The following PCDH15 variants were observed in gnomAD, a reference collection of about 807,000 sequenced individuals.
PCDH15 encodes protocadherin related 15.
PCDH15 carries 129 observed loss-of-function variants against 178.5 expected under a neutral mutation model. The ratio of observed to expected loss-of-function variants is 0.72; its 90% CI spans 0.63 to 0.84. The LOEUF (loss-of-function observed/expected upper bound fraction) is 0.84, where lower values mean the gene tolerates loss of function less well. Among genes scored for constraint, PCDH15 ranks in the 40% least tolerant of loss-of-function variants. PCDH15 has a pLI of 0.00. For synonymous variants in PCDH15, 800 were observed against 732.0 expected (o/e 1.09, Z -1.50); for missense variants, 2,230 against 2,099.9 (o/e 1.06, Z -1.21).
At chr10:54,644,520 T>C (rs531618696) in intron 2 of PCDH15, among the ~76,000 whole-genome samples, 1 of 152,098 alleles carries the variant, frequency 6.6e-6, no homozygotes, top group East Asian at 2.0e-4. Context: ...CTCCTTCTGG[T>C]ATTAAGAACA....
intron 3 of PCDH15, among the ~76,000 whole-genome samples, chr10:54,471,404 C>T (rs2077909316): frequency 6.6e-6 from 1 of 151,988 alleles, no homozygotes; most frequent in East Asian, 1.9e-4. Context: ...TCAGGCTATC[C>T]AAACCTAAAT....
intron 1 of PCDH15, among the ~76,000 whole-genome samples, chr10:55,312,768 C>A (rs914334140): frequency 1.3e-5 from 2 of 152,106 alleles, no homozygotes; most frequent in Non-Finnish European, 2.9e-5. Flanking sequence ...CAGGCATGCA[C>A]CACCATGCCC....
At chr10:54,563,575 A>T (rs2088548155) in intron 2 of PCDH15, among the ~76,000 whole-genome samples, 1 of 152,202 alleles carries the variant, frequency 6.6e-6, no homozygotes, top group Non-Finnish European at 1.5e-5. Flanking sequence ...AAGAGTAAAG[A>T]CAAAGCTTCA....
chr10:55,033,035 G>A (rs1000110445), intron 2 of PCDH15, among the ~76,000 whole-genome samples: 1 of 152,114 alleles, frequency 6.6e-6, no homozygotes, highest in Admixed American at 6.6e-5. Context: ...CCACCATGAT[G>A]CTAAATCTTC....
chr10:55,270,120 T>G (rs1367295858), intron 1 of PCDH15, among the ~76,000 whole-genome samples: 1 of 152,070 alleles, frequency 6.6e-6, no homozygotes, highest in Non-Finnish European at 1.5e-5. Context: ...TTTTACCATA[T>G]ACAAAAATTA....
chr10:54,715,364 T>C (rs371246746), intron 1 of PCDH15, among the ~76,000 whole-genome samples: 3 of 152,026 alleles, frequency 2.0e-5, no homozygotes, highest in Non-Finnish European at 2.9e-5. Context: ...AAATCGCCCA[T>C]GCACTTGTTG....
intron 2 of PCDH15, among the ~76,000 whole-genome samples, chr10:55,348,597 A>G (rs1844824839): frequency 6.6e-6 from 1 of 152,160 alleles, no homozygotes; most frequent in Non-Finnish European, 1.5e-5. Flanking sequence ...AAAATTTAGA[A>G]AGTTGTATTA....
chr10:55,255,987 C>T (rs1024473657), intron 1 of PCDH15, among the ~76,000 whole-genome samples: 2 of 152,082 alleles, frequency 1.3e-5, no homozygotes, highest in African/African-American at 4.8e-5. Flanking sequence ...GCTTTTGTTG[C>T]CATTGCTTTT....
chr10:54,671,521 G>A (rs2094672477), intron 1 of PCDH15, among the ~76,000 whole-genome samples: 1 of 152,008 alleles, frequency 6.6e-6, no homozygotes, highest in African/African-American at 2.4e-5. Flanking sequence ...GGCTATATAA[G>A]GGTAAACTAG....
At chr10:53,920,015 G>T (rs2083865964) in intron 25 of PCDH15, among the ~76,000 whole-genome samples, 1 of 152,108 alleles carries the variant, frequency 6.6e-6, no homozygotes, top group East Asian at 1.9e-4. Context: ...AAGCCTCCCA[G>T]TGGAAGTATT....
At chr10:55,159,024 T>C (rs1838979977) in intron 2 of PCDH15, among the ~76,000 whole-genome samples, 1 of 152,006 alleles carries the variant, frequency 6.6e-6, no homozygotes, top group Non-Finnish European at 1.5e-5. Flanking sequence ...AGGGCAGTTA[T>C]TATTATCCTC....
chr10:54,150,307 C>T (rs748421764), intron 14 of PCDH15, among the ~76,000 whole-genome samples: 2 of 151,988 alleles, frequency 1.3e-5, no homozygotes, highest in Non-Finnish European at 2.9e-5. Context: ...CTCCACCAAC[C>T]GTATCTCTGT....
In PCDH15 at chr10:53,866,650, C is replaced by T. The variant is rs371278220; in HGVS notation, c.3709G>A (p.Asp1237Asn). 19 of 1,613,054 alleles carry T rather than the reference C, an allele frequency of 1.2e-5. No individual in the cohort carries two copies. Among genetic ancestry groups the T allele is most frequent in the East Asian group, 2.2e-5 (1 of 44,848 alleles). ...DYGKGLSGKA[D>N]VLVSVVNQLD... is the part of the protein sequence containing the mutation. Reference sequence around the variant, plus strand: ...AAGTTTTATCTACTTACGAGTACATCGGCTTTGCCGCTCAGTCCCTTCCCA... The same window carrying T: ...AAGTTTTATCTACTTACGAGTACATTGGCTTTGCCGCTCAGTCCCTTCCCA... Residue 1237 changes from aspartate to asparagine, a missense_variant, in exon 27 of 38, where the codon GAT becomes AAT. Transcript: ENST00000644397.
At chr10:54,121,546 TGTTA>T (rs1169218484) in intron 15 of PCDH15, among the ~76,000 whole-genome samples, 8 of 152,166 alleles carry the variant, frequency 5.3e-5, no homozygotes, top group South Asian at 2.1e-4. Flanking sequence ...ATCAATAGAC[TGTTA>T]GTTAGATTAA....
intron 1 of PCDH15, among the ~76,000 whole-genome samples, chr10:55,254,286 C>T (rs1034370750): frequency 1.3e-5 from 2 of 152,064 alleles, no homozygotes; most frequent in African/African-American, 4.8e-5. Context: ...GACTCAACTC[C>T]TTCAGTTGAT....
chr10:55,560,916 A>AAAATTTCACAAATGCAAGTC (rs1324298528), intron 2 of PCDH15, among the ~76,000 whole-genome samples: 46 of 152,046 alleles, frequency 3.0e-4, no homozygotes, highest in African/African-American at 1.0e-3. Flanking sequence ...TTTTGTTGCA[A>AAAATTTCACAAATGCAAGTC]AAATTTCACA....
At chr10:53,825,214 A>G in intron 32 of PCDH15, 1 of 1,482,616 alleles carries the variant, frequency 6.7e-7, no homozygotes, top group Non-Finnish European at 9.0e-7. Context: ...TTAATTTAAA[A>G]CAATTCTGAA....
chr10:55,295,023 G>A (rs1220461727), intron 1 of PCDH15, among the ~76,000 whole-genome samples: 5 of 152,010 alleles, frequency 3.3e-5, no homozygotes, highest in Admixed American at 6.6e-5. Flanking sequence ...ACTTAAAGGT[G>A]CTTATCCACA....
chr10:54,279,076 T>A (rs1346781476), intron 8 of PCDH15, among the ~76,000 whole-genome samples: 1 of 151,594 alleles, frequency 6.6e-6, no homozygotes, highest in Non-Finnish European at 1.5e-5. Flanking sequence ...GTCTCACTGC[T>A]AAGTAATATT....
Sources: allele counts gnomAD v4.1 joint callset (sites outside exome capture counted in the v4.1 genomes callset), GRCh38; gene constraint gnomAD v4.1.1; transcripts MANE v1.5; gene names NCBI Gene and HGNC (gene_info 2026-07-23, HGNC 2026-07-21).